Variants in COL15A1 observed in about 807,000 individuals in gnomAD.
COL15A1 encodes collagen type XV alpha 1 chain.
COL15A1 carries 111 observed loss-of-function variants against 165.9 expected under a neutral mutation model. That is an observed-to-expected ratio of 0.67 (90% CI 0.57 to 0.78). The LOEUF is 0.78. Among genes scored for constraint, COL15A1 ranks in the 30% least tolerant of loss-of-function variants. COL15A1 has a pLI of 0.00. For missense variants in COL15A1, 1,745 were observed against 1,789.7 expected, an observed-to-expected ratio of 0.98 and a Z score of 0.45; for synonymous variants, 659 against 674.8, an observed-to-expected ratio of 0.98 and a Z score of 0.36.
At chr9:99,008,954 T>A (rs1838805416) in intron 9 of COL15A1, among the ~76,000 whole-genome samples, 1 of 152,238 alleles carries the variant, frequency 6.6e-6, no homozygotes, top group Non-Finnish European at 1.5e-5. Flanking sequence ...AAAAGTTTTC[T>A]TGGCTCCGAT....
At chr9:98,988,204 C>G (rs1486030082) in intron 4 of COL15A1, among the ~76,000 whole-genome samples, 2 of 152,178 alleles carry the variant, frequency 1.3e-5, no homozygotes, top group African/African-American at 2.4e-5. Context: ...AAACAAAATG[C>G]TGTCGATTTC....
intron 18 of COL15A1, 36 bp from the exon 19 acceptor site, chr9:99,035,314 C>G (rs914693280): frequency 6.8e-6 from 11 of 1,613,998 alleles, no homozygotes; most frequent in African/African-American, 1.3e-5. Context: ...TGCCCAGGAA[C>G]TGGATCTGAA....
At chr9:99,041,822 G>A (rs1839410559) in intron 23 of COL15A1, among the ~76,000 whole-genome samples, 3 of 152,198 alleles carry the variant, frequency 2.0e-5, no homozygotes, top group East Asian at 3.8e-4. Flanking sequence ...GTTCAAAAAA[G>A]TGTGAAGCCT....
Position 98,986,054 on chromosome 9 carries a change from A to G in COL15A1, c.590A>G (p.Glu197Gly), listed in dbSNP as rs762408701. The change falls in exon 3 of 42, where the codon GAG becomes GGG. Residue 197 changes from glutamate to glycine, a missense_variant. Coordinates refer to ENST00000375001, the MANE Select transcript of COL15A1 (RefSeq NM_001855.5). Reference sequence around the variant, plus strand: ...CGGTCCTCCCAGGCTTTGGCTTTTGAGTCCAGCGCTGGAATCTTCATGGGC... The same window carrying G: ...CGGTCCTCCCAGGCTTTGGCTTTTGGGTCCAGCGCTGGAATCTTCATGGGC... ...FQRSSQALAFESSAGIFMGNA... is the reference protein window; with the variant it reads ...FQRSSQALAFGSSAGIFMGNA... 1.1e-5 allele frequency: 17 copies of G among 1,613,866 alleles called. No homozygotes were observed. The highest frequency in any genetic ancestry group is 8.0e-5 in the African/African-American group (6 of 74,916).
At chr9:99,016,479 C>A (rs1187690796) in intron 11 of COL15A1, among the ~76,000 whole-genome samples, 1 of 152,204 alleles carries the variant, frequency 6.6e-6, no homozygotes, top group African/African-American at 2.4e-5. Flanking sequence ...GGGTGACCTC[C>A]AAGTCCCTGC....
At chr9:99,025,252 C>A (rs1023694683) in intron 15 of COL15A1, among the ~76,000 whole-genome samples, 1 of 152,194 alleles carries the variant, frequency 6.6e-6, no homozygotes, top group African/African-American at 2.4e-5. Flanking sequence ...CCCCTACTTA[C>A]GAATGGTTCA....
intron 28 of COL15A1, among the ~76,000 whole-genome samples, chr9:99,048,231 G>A (rs1484484676): frequency 6.6e-6 from 1 of 152,210 alleles, no homozygotes; most frequent in Non-Finnish European, 1.5e-5. Context: ...AGGACCCAGA[G>A]GGAGTAGGGG....
intron 5 of COL15A1, among the ~76,000 whole-genome samples, chr9:98,991,543 G>A (rs894090536): frequency 1.3e-5 from 2 of 152,160 alleles, no homozygotes; most frequent in African/African-American, 2.4e-5. Flanking sequence ...GCTGATTGGT[G>A]CATTTATAAT....
At chr9:99,067,438 C>T (rs1825913569) in intron 40 of COL15A1, among the ~76,000 whole-genome samples, 1 of 152,210 alleles carries the variant, frequency 6.6e-6, no homozygotes, top group Non-Finnish European at 1.5e-5. Flanking sequence ...TGCTTAAAAT[C>T]ACTGCAAACT....
In COL15A1 at chr9:99,047,953, C is replaced by T. The variant is rs1839521162; in HGVS notation, c.2746C>T (p.Leu916=). 1.2e-6 allele frequency: 2 copies of T among 1,608,034 alleles called. No individual in the cohort carries two copies. The highest frequency in any genetic ancestry group is 1.7e-6 in the Non-Finnish European group (2 of 1,175,372). Residue 916 remains leucine (L), a synonymous_variant, in exon 28 of 42, where the codon CTG becomes TTG. Transcript: ENST00000375001. ...CTGTGGGTTCCAGGGTCGCCCAGGA[C>T]TGAATGGCCTCAAGGGTACCAAAGG... ...GLPGRPGRPG[L]NGLKGTKGDP... is the part of the protein sequence containing the mutation.
Position 99,040,900 on chromosome 9 carries a change from C to T in COL15A1, c.2511+344C>T, listed in dbSNP as rs1839391928. On this transcript the variant is annotated intron_variant, in intron 23 of 41. Transcript: ENST00000375001. ...ATAGTGCTAACTAGACGTTAAAAAACAAAAGAGAGAATGGCAACCATGACC... is the reference window on the plus strand; with the variant it reads ...ATAGTGCTAACTAGACGTTAAAAAATAAAAGAGAGAATGGCAACCATGACC... 1.2e-5 allele frequency: 3 copies of T among 245,710 alleles called. No homozygotes were observed. The South Asian group carries it at 2.1e-4, about 17-fold the overall frequency. The allele number at this position is 245,710 out of a possible 1,614,324, so 15.2% of individuals were successfully genotyped here.
At position 98,944,018 on chromosome 9, in the gene COL15A1, G is replaced by C. The variant is rs749210426; in HGVS notation, c.-44G>C. 1 of 1,613,086 alleles carries C rather than the reference G, an allele frequency of 6.2e-7. No individual in the cohort carries two copies. Among genetic ancestry groups the C allele is most frequent in the Non-Finnish European group, 8.5e-7 (1 of 1,179,410 alleles). ...GTCCTCCGCTAAGCTCCAACGCTCT[G>C]CTCGACTAGCCGCGCGCCTTCCGGG... is the stretch of plus-strand genomic sequence containing the variant. On this transcript the variant is annotated 5_prime_UTR_variant, in exon 1 of 42. Transcript: ENST00000375001.
intron 22 of COL15A1, among the ~76,000 whole-genome samples, chr9:99,040,114 C>T (rs1050939071): frequency 6.6e-6 from 1 of 152,164 alleles, no homozygotes; most frequent in Admixed American, 6.5e-5. Flanking sequence ...AATAATGAAA[C>T]CCTAGAGCAA....
chr9:99,051,400 G>A (rs1405530247), intron 30 of COL15A1, among the ~76,000 whole-genome samples: 1 of 152,154 alleles, frequency 6.6e-6, no homozygotes, highest in East Asian at 1.9e-4. Context: ...GCTAGATACT[G>A]TAGGAGCTGG....
chr9:98,993,905 A>G (rs1481633560), intron 5 of COL15A1, among the ~76,000 whole-genome samples: 3 of 152,104 alleles, frequency 2.0e-5, no homozygotes, highest in Non-Finnish European at 4.4e-5. Context: ...TTGAGACATG[A>G]GCCGTCGCCA....
chr9:99,004,929 C>T lies in COL15A1; in HGVS notation c.1232C>T (p.Thr411Ile). The change falls in exon 9 of 42, where the codon ACA (threonine) becomes ATA (isoleucine). Residue 411 changes from threonine (T) to isoleucine (I), a missense_variant. Coordinates refer to ENST00000375001, the MANE Select transcript of COL15A1 (RefSeq NM_001855.5). ...GATAATGAAGAGCGTTTAGCAGCAACAGCAGCAGGGGAGGCCGAGGCACTC... is the reference window on the plus strand; with the variant it reads ...GATAATGAAGAGCGTTTAGCAGCAATAGCAGCAGGGGAGGCCGAGGCACTC... ...GPDNEERLAA[T>I]AAGEAEALAS... 2 of 1,614,072 alleles carry T rather than the reference C, an allele frequency of 1.2e-6. No homozygotes were observed. Among genetic ancestry groups the T allele is most frequent in the Non-Finnish European group, 8.5e-7 (1 of 1,179,980 alleles).
intron 28 of COL15A1, among the ~76,000 whole-genome samples, chr9:99,048,381 CA>C (rs760785467): frequency 5.1e-4 from 78 of 152,186 alleles, no homozygotes; most frequent in East Asian, 7.7e-4. Context: ...TGCTGGAAGT[CA>C]GTATCAAAGG....
intron 2 of COL15A1, among the ~76,000 whole-genome samples, chr9:98,978,134 A>G (rs993192390): frequency 3.9e-5 from 6 of 152,166 alleles, no homozygotes; most frequent in African/African-American, 1.2e-4. Flanking sequence ...CTGAACATCA[A>G]TTTCCCTGTC....
At chr9:99,050,651 G>A (rs12683611) in intron 30 of COL15A1, among the ~76,000 whole-genome samples, 47,733 of 152,146 alleles carry the variant, frequency 0.31, 8,796 homozygotes, top group East Asian at 0.62. Context: ...TCATTCATTC[G>A]ACAAATATTT....
Sources: gnomAD v4.1 joint callset for allele counts (sites outside exome capture counted in the v4.1 genomes callset) on GRCh38, gnomAD v4.1.1 for gene constraint, MANE v1.5 for transcripts, NCBI Gene and HGNC (gene_info 2026-07-23, HGNC 2026-07-21) for gene names.